TRHDE: variants seen among roughly 807,000 people sequenced by gnomAD.
The protein encoded by TRHDE is thyrotropin releasing hormone degrading enzyme.
In TRHDE, 72 loss-of-function variants were observed where a neutral mutation model predicts 125.7. The ratio of observed to expected loss-of-function variants is 0.57; its 90% CI spans 0.47 to 0.70. The LOEUF is 0.70. TRHDE is among the 30% of genes least tolerant of loss of function. TRHDE has a pLI of 0.00. For synonymous variants in TRHDE, 509 were observed against 509.1 expected, an observed-to-expected ratio of 1.00 and a Z score of 0.00; for missense variants, 1,110 against 1,327.1, an observed-to-expected ratio of 0.84 and a Z score of 2.54.
chr12:72,542,196 A>G lies in TRHDE; in HGVS notation c.1723-95A>G, dbSNP rs1411857166. 3 of 767,932 alleles carry G rather than the reference A, an allele frequency of 3.9e-6. No individual in the cohort carries two copies. The African/African-American group carries it at 5.4e-5, about 14-fold the overall frequency. The allele number at this position is 767,932 out of a possible 1,614,324, so 47.6% of individuals were successfully genotyped here. ...TTTCTTAATTATTTTTGAAAATAGAATAGCATGAATGAAGTAGACTAGATT... is the reference window on the plus strand; with the variant it reads ...TTTCTTAATTATTTTTGAAAATAGAGTAGCATGAATGAAGTAGACTAGATT... On this transcript the variant is annotated intron_variant, in intron 6 of 18. Transcript: ENST00000261180.
At chr12:72,326,405 G>T (rs144903558) in intron 2 of TRHDE, among the ~76,000 whole-genome samples, 1 of 152,038 alleles carries the variant, frequency 6.6e-6, no homozygotes, top group African/African-American at 2.4e-5. Flanking sequence ...GTTGAGGGGC[G>T]CGGGGCTAGG....
At chr12:72,445,341 T>C (rs934901840) in intron 3 of TRHDE, among the ~76,000 whole-genome samples, 1 of 151,860 alleles carries the variant, frequency 6.6e-6, no homozygotes, top group Non-Finnish European at 1.5e-5. Context: ...AAGAAAATAT[T>C]GCCCTGTTCA....
intron 5 of TRHDE, among the ~76,000 whole-genome samples, chr12:72,491,560 G>T (rs1877686634): frequency 6.6e-6 from 1 of 151,826 alleles, no homozygotes; most frequent in Non-Finnish European, 1.5e-5. Context: ...AATGAGACAT[G>T]ACGCATTCAG....
intron 2 of TRHDE, among the ~76,000 whole-genome samples, chr12:72,372,865 C>T (rs894513638): frequency 5.3e-5 from 8 of 152,212 alleles, no homozygotes; most frequent in African/African-American, 1.7e-4. Flanking sequence ...ATTGACTTGG[C>T]GATGTGGGCT....
At chr12:72,156,675 AG>A (rs990875175) in intron 2 of TRHDE, among the ~76,000 whole-genome samples, 1 of 152,208 alleles carries the variant, frequency 6.6e-6, no homozygotes, top group African/African-American at 2.4e-5. Flanking sequence ...TATTCTGAGT[AG>A]AAATTTTTTC....
intron 12 of TRHDE, among the ~76,000 whole-genome samples, chr12:72,588,936 G>A (rs961974140): frequency 1.7e-4 from 26 of 152,098 alleles, no homozygotes; most frequent in Admixed American, 2.0e-4. Flanking sequence ...AAAGCAAAGA[G>A]GGAAAAACCC....
intron 2 of TRHDE, among the ~76,000 whole-genome samples, chr12:72,124,353 T>G (rs1273817317): frequency 6.6e-6 from 1 of 152,134 alleles, no homozygotes; most frequent in Non-Finnish European, 1.5e-5. Context: ...TAGGAGAAGA[T>G]AGGAGATTTT....
At chr12:72,530,487 C>G (rs1333442585) in intron 6 of TRHDE, among the ~76,000 whole-genome samples, 1 of 116,418 alleles carries the variant, frequency 8.6e-6, no homozygotes, top group Non-Finnish European at 1.7e-5. Context: ...CTTTGAGGAA[C>G]TTAATTACTT....
chr12:72,238,309 T>C lies in TRHDE; in HGVS notation n.279+132557T>C, dbSNP rs796419020. 2.8e-3 allele frequency among the ~76,000 whole-genome samples: 95 copies of C among 33,412 alleles called. 5 individuals are homozygous for C. Among genetic ancestry groups the C allele is most frequent in the African/African-American group, 7.9e-3 (76 of 9,646 alleles). 21.9% of individuals were successfully genotyped at this position (33,412 alleles called of 152,430 possible). ...ATATATATATATATATATATATATA[T>C]ATATATATATATACATATATATATA... On this transcript the variant is annotated intron_variant and non_coding_transcript_variant, in intron 2 of 4. Transcript: ENST00000548156.
chr12:72,351,642 A>G (rs940230974), intron 2 of TRHDE, among the ~76,000 whole-genome samples: 1 of 151,816 alleles, frequency 6.6e-6, no homozygotes, highest in Non-Finnish European at 1.5e-5. Context: ...AGCTGCTACT[A>G]TCTCTCCATT....
At position 72,458,481 on chromosome 12, in the gene TRHDE, G is replaced by A. The variant is rs138845778; in HGVS notation, c.1316-11277G>A. Among the ~76,000 whole-genome samples, 9 of 152,118 alleles carry A rather than the reference G, an allele frequency of 5.9e-5. No homozygotes were observed. The South Asian group carries it at 1.0e-3, about 18-fold the overall frequency. On this transcript the variant is annotated intron_variant, in intron 3 of 18. Transcript: ENST00000261180. ...TCTTAAATCTCAGTGCTCCTCAGAC[G>A]TCTGTCTTAGCCCTCTTCTCTACTC...
intron 12 of TRHDE, among the ~76,000 whole-genome samples, chr12:72,602,070 T>C (rs1174421742): frequency 1.3e-5 from 2 of 152,166 alleles, no homozygotes; most frequent in African/African-American, 4.8e-5. Context: ...ATGAGAGTGC[T>C]GGCCCCCACA....
At chr12:72,454,961 C>G (rs1232300317) in intron 3 of TRHDE, among the ~76,000 whole-genome samples, 1 of 152,188 alleles carries the variant, frequency 6.6e-6, no homozygotes, top group Non-Finnish European at 1.5e-5. Flanking sequence ...TAACTTGCCT[C>G]CTGCCATTTC....
At chr12:72,585,994 CAA>C (rs1305392055) in intron 12 of TRHDE, among the ~76,000 whole-genome samples, 1 of 152,118 alleles carries the variant, frequency 6.6e-6, no homozygotes, top group African/African-American at 2.4e-5. Context: ...CACCTCAGAA[CAA>C]AGAGTCAGAG....
At chr12:72,281,188 A>T (rs1240298552) in intron 1 of TRHDE, among the ~76,000 whole-genome samples, 2 of 151,948 alleles carry the variant, frequency 1.3e-5, no homozygotes, top group Admixed American at 6.6e-5. Flanking sequence ...ATGGTTATTT[A>T]AAAAAAATAG....
At chr12:72,326,792 G>A (rs1424681449) in intron 2 of TRHDE, among the ~76,000 whole-genome samples, 5 of 152,046 alleles carry the variant, frequency 3.3e-5, no homozygotes, top group Admixed American at 2.0e-4. Flanking sequence ...AGAATAACAG[G>A]CAATCCTTCA....
chr12:72,457,129 A>T (rs191018501), intron 3 of TRHDE, among the ~76,000 whole-genome samples: 1 of 152,170 alleles, frequency 6.6e-6, no homozygotes, highest in African/African-American at 2.4e-5. Flanking sequence ...TCTTCATGAC[A>T]TTGAATGACT....
intron 2 of TRHDE, among the ~76,000 whole-genome samples, chr12:72,247,407 G>A (rs1256888769): frequency 1.3e-5 from 2 of 152,118 alleles, no homozygotes; most frequent in East Asian, 3.9e-4. Flanking sequence ...TTCCCTGAAA[G>A]GGCCTCAGGG....
chr12:72,280,885 G>A (rs533912345), intron 1 of TRHDE, among the ~76,000 whole-genome samples: 5 of 152,180 alleles, frequency 3.3e-5, no homozygotes, highest in South Asian at 2.1e-4. Context: ...TAATACTTCC[G>A]TAATATTTTG....
Sources: gnomAD v4.1 joint callset for allele counts (sites outside exome capture counted in the v4.1 genomes callset) on GRCh38, gnomAD v4.1.1 for gene constraint, MANE v1.5 for transcripts, NCBI Gene and HGNC (gene_info 2026-07-23, HGNC 2026-07-21) for gene names.